Variants in NCK2 observed in about 807,000 individuals in gnomAD.
NCK2 encodes the protein NCK adaptor protein 2.
Under a neutral mutation model 33.9 loss-of-function variants are expected in NCK2, and 16 were observed. The observed-to-expected ratio is 0.47, with a 90% confidence interval of 0.32 to 0.72. The LOEUF (loss-of-function observed/expected upper bound fraction) is 0.72, where lower values mean the gene tolerates loss of function less well. Among genes scored for constraint, NCK2 ranks in the 30% least tolerant of loss-of-function variants. The pLI is 0.03. For missense variants in NCK2, 418 were observed against 537.3 expected (o/e 0.78, Z 2.19); for synonymous variants, 273 against 239.9 (o/e 1.14, Z -1.27).
intron 2 of NCK2, among the ~76,000 whole-genome samples, chr2:105,819,448 A>C (rs1373522964): frequency 6.6e-6 from 1 of 152,208 alleles, no homozygotes; most frequent in Non-Finnish European, 1.5e-5. Flanking sequence ...GAAATGACAG[A>C]TCTTCTGATT....
At chr2:105,812,494 C>T (rs867620120) in intron 1 of NCK2, among the ~76,000 whole-genome samples, 34 of 152,188 alleles carry the variant, frequency 2.2e-4, no homozygotes, top group Non-Finnish European at 4.4e-4. Context: ...GCGCTGACCC[C>T]GTGCTGTGTT....
At chr2:105,847,645 T>C (rs1442238823) in intron 2 of NCK2, among the ~76,000 whole-genome samples, 1 of 152,054 alleles carries the variant, frequency 6.6e-6, no homozygotes, top group Non-Finnish European at 1.5e-5. Context: ...GCAGGGTACA[T>C]CAGGGAAGGA....
intron 4 of NCK2, among the ~76,000 whole-genome samples, chr2:105,890,736 A>T (rs978064505): frequency 6.6e-6 from 1 of 152,230 alleles, no homozygotes; most frequent in South Asian, 2.1e-4. Context: ...GCACAATTTG[A>T]GTCTTCTCAG....
At chr2:105,770,382 A>C (rs1690094174) in intron 1 of NCK2, among the ~76,000 whole-genome samples, 1 of 152,206 alleles carries the variant, frequency 6.6e-6, no homozygotes, top group South Asian at 2.1e-4. Context: ...TGATGTTTGC[A>C]TCTGGCTTTG....
intron 1 of NCK2, among the ~76,000 whole-genome samples, chr2:105,763,360 T>C (rs547958792): frequency 2.9e-4 from 44 of 152,290 alleles, no homozygotes; most frequent in African/African-American, 1.0e-3. Flanking sequence ...ACACAGGCAT[T>C]GCAGAAAAGT....
intron 4 of NCK2, among the ~76,000 whole-genome samples, chr2:105,882,451 GC>G (rs1678544780): frequency 6.6e-6 from 1 of 152,168 alleles, no homozygotes; most frequent in Non-Finnish European, 1.5e-5. Flanking sequence ...AAGACTGGTG[GC>G]TGGTTTCTGA....
chr2:105,753,826 T>C (rs181270078), intron 1 of NCK2, among the ~76,000 whole-genome samples: 1 of 152,328 alleles, frequency 6.6e-6, no homozygotes, highest in East Asian at 1.9e-4. Flanking sequence ...TTATGACATC[T>C]GGGAAGGTCT....
In NCK2 at chr2:105,855,217, C is replaced by T; in HGVS notation, c.154C>T (p.Pro52Ser). The change falls in exon 3 of 5, where the codon CCG becomes TCG. Residue 52 changes from proline (P) to serine (S), a missense_variant. Transcript: ENST00000233154. ...RNAANRTGYV[P>S]SNYVERKNSL... is the part of the protein sequence containing the mutation. The stretch of plus-strand genomic sequence containing the variant: ...CGCGGCCAACAGGACGGGCTATGTA[C>T]CGTCCAACTACGTGGAGCGGAAGAA... 2 of 1,614,046 alleles carry T rather than the reference C, an allele frequency of 1.2e-6. No individual in the cohort carries two copies. The highest frequency in any genetic ancestry group is 1.7e-6 in the Non-Finnish European group (2 of 1,180,008).
At chr2:105,775,855 G>T (rs1161812195) in intron 1 of NCK2, among the ~76,000 whole-genome samples, 1 of 152,074 alleles carries the variant, frequency 6.6e-6, no homozygotes, top group African/African-American at 2.4e-5. Context: ...TTTCTCATCT[G>T]TAAATGAGAA....
chr2:105,881,408 G>T lies in NCK2; in HGVS notation c.307G>T (p.Gly103Cys), dbSNP rs761674486. 1.2e-6 allele frequency: 2 copies of T among 1,612,656 alleles called. No homozygotes were observed. Among genetic ancestry groups the T allele is most frequent in the Admixed American group, 1.7e-5 (1 of 60,018 alleles). The change falls in exon 4 of 5, where the codon GGC becomes TGC. Residue 103 changes from glycine (G) to cysteine (C), a missense_variant. By Grantham distance (159) the Gly-to-Cys change is radical. Coordinates refer to ENST00000233154, the MANE Select transcript of NCK2 (RefSeq NM_003581.5). ...PSTDAEYPAN[G>C]SGADRIYDLN... ...CACGGACGCCGAGTACCCCGCCAAT[G>T]GCAGCGGCGCCGACCGCATCTACGA... is the stretch of plus-strand genomic sequence containing the variant.
intron 1 of NCK2, among the ~76,000 whole-genome samples, chr2:105,806,731 G>T (rs1484234157): frequency 1.3e-5 from 2 of 152,090 alleles, no homozygotes; most frequent in African/African-American, 4.8e-5. Context: ...CGTTGATTCA[G>T]TGCTTATCAG....
intron 4 of NCK2, among the ~76,000 whole-genome samples, 153 bp from the exon 5 acceptor site, chr2:105,892,829 G>C (rs1272886294): frequency 2.4e-4 from 35 of 145,880 alleles, no homozygotes; most frequent in Non-Finnish European, 4.5e-4. Flanking sequence ...CTGGGCAAAA[G>C]AGTGAAACTC....
At position 105,893,678 on chromosome 2, in the gene NCK2, C is replaced by T. The variant is rs1679093025; in HGVS notation, c.*502C>T. 1.3e-5 allele frequency: 2 copies of T among 153,298 alleles called. 1 individual carries two copies. Among genetic ancestry groups the T allele is most frequent in the South Asian group, 4.1e-4 (2 of 4,880 alleles). 9.5% of individuals were successfully genotyped at this position (153,298 alleles called of 1,614,324 possible). On this transcript the variant is annotated 3_prime_UTR_variant, in exon 5 of 5. Coordinates refer to ENST00000233154, the MANE Select transcript of NCK2 (RefSeq NM_003581.5). The stretch of plus-strand genomic sequence containing the variant: ...CGTTTGCTGATAGCAATACTGGAAC[C>T]ACCGGGTGCGATGGCAGTGAGGAGA...
intron 2 of NCK2, among the ~76,000 whole-genome samples, chr2:105,829,078 G>A (rs1198152016): frequency 6.6e-6 from 1 of 152,138 alleles, no homozygotes; most frequent in African/African-American, 2.4e-5. Flanking sequence ...GCAAGTGCTA[G>A]CTAGTGAAGT....
intron 1 of NCK2, among the ~76,000 whole-genome samples, chr2:105,810,940 C>A (rs903975884): frequency 6.6e-6 from 1 of 152,038 alleles, no homozygotes; most frequent in Non-Finnish European, 1.5e-5. Flanking sequence ...CTTTGGGAGG[C>A]CCAGGTGGGC....
chr2:105,843,849 C>T (rs999679301), intron 2 of NCK2, among the ~76,000 whole-genome samples: 3 of 152,286 alleles, frequency 2.0e-5, no homozygotes, highest in South Asian at 4.1e-4. Context: ...AACTCCCCAC[C>T]CTTAAGCGTG....
chr2:105,788,278 AC>A (rs1690751996), intron 1 of NCK2, among the ~76,000 whole-genome samples: 1 of 152,158 alleles, frequency 6.6e-6, no homozygotes, highest in East Asian at 1.9e-4. Flanking sequence ...AAACTTCTAC[AC>A]CCATAAAATG....
intron 2 of NCK2, among the ~76,000 whole-genome samples, chr2:105,825,162 G>A (rs928015723): frequency 6.6e-6 from 1 of 152,138 alleles, no homozygotes; most frequent in African/African-American, 2.4e-5. Context: ...AATGTAATGG[G>A]GATCATCTGG....
chr2:105,880,461 T>G (rs577847752), intron 3 of NCK2, among the ~76,000 whole-genome samples: 8 of 152,272 alleles, frequency 5.3e-5, no homozygotes, highest in African/African-American at 1.9e-4. Context: ...GATGATGGGT[T>G]TTGCCCAGTA....
Sources: allele counts gnomAD v4.1 joint callset (sites outside exome capture counted in the v4.1 genomes callset), GRCh38; gene constraint gnomAD v4.1.1; transcripts MANE v1.5; gene names NCBI Gene and HGNC (gene_info 2026-07-23, HGNC 2026-07-21).